EGFLAM: variants seen among roughly 807,000 people sequenced by gnomAD.
EGFLAM encodes the protein pikachurin.
Under a neutral mutation model 113.1 loss-of-function variants are expected in EGFLAM, and 79 were observed. That is an observed-to-expected ratio of 0.70 (90% CI 0.58 to 0.84). EGFLAM has a LOEUF of 0.84. Ranked by LOEUF, EGFLAM falls within the 40% of genes least tolerant of loss-of-function variation. The pLI is 0.00. For synonymous variants in EGFLAM, 504 were observed against 487.6 expected, an observed-to-expected ratio of 1.03 and a Z score of -0.44; for missense variants, 1,265 against 1,291.6, an observed-to-expected ratio of 0.98 and a Z score of 0.32.
chr5:38,258,943 C>A, intron 1 of EGFLAM, 92 bp downstream of exon 1: 1 of 1,337,086 alleles, frequency 7.5e-7, no homozygotes, highest in South Asian at 1.4e-5. Flanking sequence ...CACCGCCTCC[C>A]TCTCCCCGAC....
At chr5:38,449,991 A>C (rs537361578) in intron 18 of EGFLAM, among the ~76,000 whole-genome samples, 1 of 152,188 alleles carries the variant, frequency 6.6e-6, no homozygotes, top group Non-Finnish European at 1.5e-5. Context: ...TAAGCTGCAC[A>C]TAAGATGACT....
intron 2 of EGFLAM, among the ~76,000 whole-genome samples, chr5:38,338,151 A>C (rs534738931): frequency 6.6e-6 from 1 of 152,110 alleles, no homozygotes; most frequent in Non-Finnish European, 1.5e-5. Context: ...CATTTCACAT[A>C]ATTGTTTGGA....
chr5:38,290,542 A>G (rs1379559318), intron 1 of EGFLAM: 1 of 152,168 alleles, frequency 6.6e-6, no homozygotes, highest in African/African-American at 2.4e-5. Flanking sequence ...ACCTCTTACT[A>G]CTTGCTACTA....
chr5:38,333,014 T>G (rs574072383), intron 1 of EGFLAM, among the ~76,000 whole-genome samples: 2 of 152,334 alleles, frequency 1.3e-5, no homozygotes, highest in Middle Eastern at 3.4e-3. Context: ...CATAAGTTCT[T>G]ATTATTCAGC....
At position 38,448,301 on chromosome 5, in the gene EGFLAM, C is replaced by T. The variant is rs554091075; in HGVS notation, c.2465C>T (p.Ala822Val). ...ACCTCCTTTTTCTGTTCTGTCCCAG[C>T]GATCATAGAAGCCATTGAGATCCCG... is the stretch of plus-strand genomic sequence containing the variant. ...LGFEGLHCQK[A>V]IIEAIEIPQF... The change falls in exon 18 of 22, where the codon GCG (alanine) becomes GTG (valine). Residue 822 changes from alanine to valine, a missense_variant and splice_region_variant. Physicochemically the swap from Ala to Val is moderately conservative, Grantham distance 64. Coordinates refer to ENST00000322350, the MANE Select transcript of EGFLAM (RefSeq NM_152403.4). 1.4e-5 allele frequency: 22 copies of T among 1,614,084 alleles called. No homozygotes were observed. The highest frequency in any genetic ancestry group is 1.7e-4 in the Middle Eastern group (1 of 6,046).
At chr5:38,308,871 A>G (rs1477230909) in intron 1 of EGFLAM, among the ~76,000 whole-genome samples, 2 of 152,168 alleles carry the variant, frequency 1.3e-5, no homozygotes, top group Non-Finnish European at 2.9e-5. Context: ...TGAGTTGAAC[A>G]GGTTGTGCAC....
intron 1 of EGFLAM, among the ~76,000 whole-genome samples, chr5:38,323,070 C>T (rs115302113): frequency 0.01 from 1,527 of 152,226 alleles, 25 homozygotes; most frequent in African/African-American, 0.032. Context: ...TTTTCCTATT[C>T]GGAATTTTCT....
intron 1 of EGFLAM, among the ~76,000 whole-genome samples, chr5:38,309,024 C>G (rs1413234670): frequency 1.3e-5 from 2 of 152,182 alleles, no homozygotes; most frequent in East Asian, 3.8e-4. Context: ...GTTAAATTTT[C>G]AGGGATTTTG....
At chr5:38,346,999 G>A (rs1031299069) in intron 3 of EGFLAM, among the ~76,000 whole-genome samples, 2 of 152,134 alleles carry the variant, frequency 1.3e-5, no homozygotes, top group African/African-American at 4.8e-5. Context: ...TGAAGACCCA[G>A]GCAAAGAGTC....
At chr5:38,462,120 G>C (rs1354109857) in intron 20 of EGFLAM, among the ~76,000 whole-genome samples, 1 of 152,202 alleles carries the variant, frequency 6.6e-6, no homozygotes, top group African/African-American at 2.4e-5. Context: ...AGTGAGCCGA[G>C]ATCGCGCCAC....
rs554319801 is a variant in EGFLAM, at chr5:38,398,423, A to G, written c.713-7703A>G. On this transcript the variant is annotated intron_variant, in intron 6 of 21. Transcript: ENST00000322350. ...ATGAAATCATCACATAAATAAGCAT[A>G]AAATTACAAACTCATAATGCCACTA... Among the ~76,000 whole-genome samples the G allele has an allele frequency of 6.0e-4, 91 of 152,356 alleles. 1 individual carries two copies. The highest frequency in any genetic ancestry group is 2.2e-3 in the African/African-American group (90 of 41,584).
intron 1 of EGFLAM, among the ~76,000 whole-genome samples, chr5:38,328,235 C>T (rs928572542): frequency 6.6e-6 from 1 of 152,066 alleles, no homozygotes; most frequent in Non-Finnish European, 1.5e-5. Flanking sequence ...GGGGAAGTGC[C>T]TTACACTTTT....
intron 16 of EGFLAM, among the ~76,000 whole-genome samples, chr5:38,435,806 CTT>C (rs60461690): frequency 0.066 from 5,804 of 88,238 alleles, 141 homozygotes; most frequent in Non-Finnish European, 0.076. Flanking sequence ...CCGGCTCTCT[CTT>C]TTTTTTTTTT....
At chr5:38,399,732 G>A (rs952236505) in intron 6 of EGFLAM, 13 of 152,144 alleles carry the variant, frequency 8.5e-5, no homozygotes, top group African/African-American at 3.1e-4. Context: ...CTCATGACTG[G>A]AACTTCAAGA....
In EGFLAM at chr5:38,338,701, T is replaced by G; in HGVS notation, c.211T>G (p.Phe71Val). ...PGSPILGYTV[F>V]YSEVGADKSL... ...AGGGTGTCTGCATCTTTTCAAGGTC[T>G]TTTACTCTGAGGTTGGCGCAGATAA... The change falls in exon 3 of 22, where the codon TTT becomes GTT. Residue 71 changes from phenylalanine to valine, a missense_variant. By Grantham distance (50) the Phe-to-Val change is conservative. Coordinates refer to ENST00000322350, the MANE Select transcript of EGFLAM (RefSeq NM_152403.4). The G allele has an allele frequency of 1.2e-6, 2 of 1,614,128 alleles. No homozygotes were observed. Among genetic ancestry groups the G allele is most frequent in the Non-Finnish European group, 1.7e-6 (2 of 1,179,976 alleles).
intron 1 of EGFLAM, among the ~76,000 whole-genome samples, chr5:38,302,166 G>A (rs141473262): frequency 1.0e-3 from 155 of 151,796 alleles, no homozygotes; most frequent in African/African-American, 3.2e-3. Context: ...GAACTCAGGA[G>A]GTAGAGATTG....
At chr5:38,403,205 G>A (rs1199981798) in intron 6 of EGFLAM, 1 of 152,536 alleles carries the variant, frequency 6.6e-6, no homozygotes, top group Non-Finnish European at 1.5e-5. Flanking sequence ...CTCTCCGCAG[G>A]GGATGTGTTC....
intron 1 of EGFLAM, among the ~76,000 whole-genome samples, chr5:38,270,016 C>T (rs184497957): frequency 6.6e-6 from 1 of 152,322 alleles, no homozygotes; most frequent in African/African-American, 2.4e-5. Context: ...TCTAGCTCTG[C>T]AGCCAGGAGG....
chr5:38,389,957 A>G (rs767798032), intron 6 of EGFLAM, among the ~76,000 whole-genome samples: 29 of 152,234 alleles, frequency 1.9e-4, no homozygotes, highest in African/African-American at 6.3e-4. Context: ...GCTTTGTTAC[A>G]TTGTTTTGTA....
Sources: allele counts gnomAD v4.1 joint callset (sites outside exome capture counted in the v4.1 genomes callset), GRCh38; gene constraint gnomAD v4.1.1; transcripts MANE v1.5; gene names NCBI Gene and HGNC (gene_info 2026-07-23, HGNC 2026-07-21).